The following GNL3L variants were observed in gnomAD, a reference collection of about 807,000 sequenced individuals.
GNL3L encodes G protein nucleolar 3 like.
Under a neutral mutation model 42.9 loss-of-function variants are expected in GNL3L, and 4 were observed. That is an observed-to-expected ratio of 0.09 (90% CI 0.05 to 0.21). GNL3L has a LOEUF of 0.21. Ranked by LOEUF, GNL3L falls within the 10% of genes least tolerant of loss-of-function variation. The pLI is 1.00. For missense variants in GNL3L, 412 were observed against 481.7 expected, an observed-to-expected ratio of 0.86 and a Z score of 1.36; for synonymous variants, 159 against 176.3, an observed-to-expected ratio of 0.90 and a Z score of 0.78.
intron 16 of GNL3L, among the ~76,000 whole-genome samples, chrX:54,578,068 A>T (rs1925660525): frequency 8.9e-6 from 1 of 111,764 alleles, no homozygotes; most frequent in African/African-American, 3.2e-5. Flanking sequence ...ATCGTGTATT[A>T]CTTCTACATA....
rs984451762 is a variant in GNL3L at position 54,562,196 on chromosome X, C to T, written c.*1594C>T. ...AAGTAGCTGGGATTACAGGCACCTG[C>T]CACCACGCCTGGCTAGTTTTTGTAT... On this transcript the variant is annotated 3_prime_UTR_variant, in exon 16 of 16. Transcript: ENST00000360845. Among the ~76,000 whole-genome samples the T allele has an allele frequency of 8.9e-6, 1 of 112,070 alleles. No homozygotes were observed. The highest frequency in any genetic ancestry group is 1.9e-5 in the Non-Finnish European group (1 of 53,198).
chrX:54,606,641 AAT>A (rs1557200412), intron 16 of GNL3L, among the ~76,000 whole-genome samples: 2 of 99,660 alleles, frequency 2.0e-5, no homozygotes, highest in African/African-American at 8.1e-5. Flanking sequence ...ATGCCAGGCC[AAT>A]TTTTTTTTTT....
chrX:54,594,369 CTCT>C (rs940789248), intron 16 of GNL3L, among the ~76,000 whole-genome samples: 3 of 110,843 alleles, frequency 2.7e-5, no homozygotes, highest in Admixed American at 9.6e-5. Context: ...CCTTCTTTGT[CTCT>C]TCTTATAGTT....
At chrX:54,615,377 AAC>A (rs1448996624) in intron 16 of GNL3L, among the ~76,000 whole-genome samples, 1 of 112,037 alleles carries the variant, frequency 8.9e-6, no homozygotes, top group Non-Finnish European at 1.9e-5. Flanking sequence ...TGTTGCTATG[AAC>A]ATACAGGTAC....
chrX:54,617,903 C>T (rs902680676), intron 16 of GNL3L, among the ~76,000 whole-genome samples: 2 of 111,779 alleles, frequency 1.8e-5, no homozygotes, highest in Non-Finnish European at 3.8e-5. Flanking sequence ...TTTGTTGTAG[C>T]AGCCCAAACA....
At chrX:54,620,018 A>G (rs1316014855) in intron 16 of GNL3L, among the ~76,000 whole-genome samples, 1 of 111,209 alleles carries the variant, frequency 9.0e-6, no homozygotes, top group Admixed American at 9.6e-5. Context: ...GGTGTATATA[A>G]TAATGGGGTA....
chrX:54,567,322 T>A (rs1218255589), downstream of GNL3L, among the ~76,000 whole-genome samples: 1 of 110,076 alleles, frequency 9.1e-6, no homozygotes, highest in Admixed American at 9.8e-5. Context: ...TTTGTCTTAT[T>A]GTAGTCGCTG....
At position 54,541,296 on chromosome X, in the gene GNL3L, G is replaced by A. The variant is rs1270006383; in HGVS notation, c.213G>A (p.Gln71=). ...KKWVEEMREK[Q]QAAREQERQK... is the part of the protein sequence containing the mutation. ...AGGTTGAGGAGATGAGGGAGAAGCAGCAAGCCGCCCGGGAGCAAGAAAGAC... is the reference window on the plus strand; with the variant it reads ...AGGTTGAGGAGATGAGGGAGAAGCAACAAGCCGCCCGGGAGCAAGAAAGAC... Residue 71 remains glutamine, a synonymous_variant, in exon 5 of 16, where the codon CAG becomes CAA. Transcript: ENST00000360845. 3 of 1,206,137 alleles carry A rather than the reference G, an allele frequency of 2.5e-6. No individual in the cohort carries two copies. The African/African-American group carries it at 5.3e-5, about 21-fold the overall frequency.
At chrX:54,620,468 CA>C (rs1232517783) in intron 16 of GNL3L, among the ~76,000 whole-genome samples, 3 of 111,902 alleles carry the variant, frequency 2.7e-5, no homozygotes, top group Non-Finnish European at 5.6e-5. Flanking sequence ...GACTGGTTCT[CA>C]TTCTTTTTTA....
intron 2 of GNL3L, among the ~76,000 whole-genome samples, chrX:54,537,889 A>G (rs1171376077): frequency 9.0e-6 from 1 of 110,868 alleles, no homozygotes; most frequent in Non-Finnish European, 1.9e-5. Flanking sequence ...GGCTACAAGC[A>G]TGCACCACGG....
At position 54,600,737 on chromosome X, in the gene GNL3L, G is replaced by A. The variant is rs776878144; in HGVS notation, c.*46-20108G>A. Among the ~76,000 whole-genome samples the A allele has an allele frequency of 1.1e-4, 12 of 111,215 alleles. No individual in the cohort carries two copies. In the East Asian group the frequency reaches 3.4e-3, roughly 32 times the overall value. ...CACTTATACCTCTCTAGTGGGAGAC[G>A]TTGGAGTTCCTTGTTATTGCTACTC... On this transcript the variant is annotated intron_variant, in intron 16 of 16. Transcript: ENST00000674498.
intron 16 of GNL3L, among the ~76,000 whole-genome samples, chrX:54,572,629 G>A (rs1280874765): frequency 8.3e-5 from 9 of 108,407 alleles, no homozygotes; most frequent in Middle Eastern, 4.9e-3. Context: ...CTGGCCGGGC[G>A]GGGGGCTGAC....
chrX:54,572,625 G>C (rs1218437856), intron 16 of GNL3L, among the ~76,000 whole-genome samples: 1 of 107,963 alleles, frequency 9.3e-6, no homozygotes, highest in African/African-American at 3.4e-5. Context: ...GCGGCTGGCC[G>C]GGCGGGGGGC....
In GNL3L at chrX:54,548,327, T is replaced by C. The variant is rs1924832628; in HGVS notation, c.729T>C (p.Tyr243=). ...AENLMRVLGN[Y]CRLGEVRTHI... is the part of the protein sequence containing the mutation. ...ACCTCATGAGGGTTCTGGGGAACTA[T>C]TGCCGCCTTGGTGAAGTGCGCACCC... Residue 243 remains tyrosine (Y), a synonymous_variant, in exon 9 of 16, where the codon TAT becomes TAC. Coordinates refer to ENST00000360845, the MANE Select transcript of GNL3L (RefSeq NM_001184819.2). 1 of 1,204,489 alleles carries C rather than the reference T, an allele frequency of 8.3e-7. No individual in the cohort carries two copies. Among genetic ancestry groups the C allele is most frequent in the Non-Finnish European group, 1.1e-6 (1 of 890,827 alleles).
chrX:54,530,578 CTG>C (rs1417814653), intron 1 of GNL3L, among the ~76,000 whole-genome samples, 159 bp downstream of exon 1: 1 of 111,745 alleles, frequency 8.9e-6, no homozygotes, highest in East Asian at 2.9e-4. Context: ...CCGGGACACA[CTG>C]TGTAGAGAGG....
At position 54,533,938 on chromosome X, in the gene GNL3L, A is replaced by G. The variant is rs142972477; in HGVS notation, c.19+1353A>G. Among the ~76,000 whole-genome samples the G allele has an allele frequency of 1.7e-4, 19 of 110,008 alleles. No homozygotes were observed. In the East Asian group the frequency reaches 5.3e-3, roughly 31 times the overall value. ...CTGGCTGTTTAAAAGATAAAGTAGT[A>G]TCATATAGAAAGATTATATGGAAAA... On this transcript the variant is annotated intron_variant, in intron 2 of 15. Transcript: ENST00000360845.
chrX:54,580,539 G>T (rs1435924008), intron 16 of GNL3L, among the ~76,000 whole-genome samples: 4 of 110,493 alleles, frequency 3.6e-5, no homozygotes, highest in Non-Finnish European at 7.6e-5. Context: ...TGGGTCAAAT[G>T]GTATTTCTAG....
At chrX:54,594,541 C>CT (rs766441455) in intron 16 of GNL3L, among the ~76,000 whole-genome samples, 2,769 of 95,088 alleles carry the variant, frequency 0.029, 40 homozygotes, top group Middle Eastern at 0.071. Flanking sequence ...ATCATTGGGC[C>CT]TTTTTTTTTT....
rs778904033 is a variant in GNL3L, at chrX:54,530,381, A to G, written c.-86A>G. On this transcript the variant is annotated 5_prime_UTR_variant, in exon 1 of 16. It removes an upstream start codon present in the reference 5' UTR. Coordinates refer to ENST00000360845, the MANE Select transcript of GNL3L (RefSeq NM_001184819.2). ...CCGGGCAGTTAGGATCGTCTATTGG[A>G]TGTGAAACCAGAGATGCCCGCCAAC... 2 of 111,274 alleles carry G rather than the reference A, an allele frequency of 1.8e-5. No homozygotes were observed. Among genetic ancestry groups the G allele is most frequent in the East Asian group, 5.9e-4 (2 of 3,410 alleles). 9.2% of individuals were successfully genotyped at this position (111,274 alleles called of 1,213,427 possible). A position where few individuals can be genotyped will look rare whatever the true frequency, so the allele number is the denominator to read the frequency against.
Sources: allele counts gnomAD v4.1 joint callset (sites outside exome capture counted in the v4.1 genomes callset), GRCh38; gene constraint gnomAD v4.1.1; transcripts MANE v1.5; gene names NCBI Gene and HGNC (gene_info 2026-07-23, HGNC 2026-07-21).